AVEN: variants seen among roughly 807,000 people sequenced by gnomAD.
The protein encoded by AVEN is cell death regulator Aven.
Under a neutral mutation model 38.1 loss-of-function variants are expected in AVEN, and 41 were observed. That is an observed-to-expected ratio of 1.08 (90% CI 0.84 to 1.40). The LOEUF is 1.40. AVEN is among the 40% of genes most tolerant of loss of function. The pLI, the probability that AVEN is intolerant of heterozygous loss-of-function variation, is 0.00. For missense variants in AVEN, 605 were observed against 438.8 expected, an observed-to-expected ratio of 1.38 and a Z score of -3.38; for synonymous variants, 206 against 171.8, an observed-to-expected ratio of 1.20 and a Z score of -1.56.
At chr15:34,041,173 C>T (rs1899461301), upstream of AVEN, among the ~76,000 whole-genome samples, 1 of 152,068 alleles carries the variant, frequency 6.6e-6, no homozygotes. Context: ...CTGGCCTCTA[C>T]CCACTAGATG....
At chr15:33,886,778 G>C (rs372259188) in intron 2 of AVEN, among the ~76,000 whole-genome samples, 1 of 152,206 alleles carries the variant, frequency 6.6e-6, no homozygotes, top group South Asian at 2.1e-4. Flanking sequence ...AGCAGTGTGA[G>C]AATTGACTAA....
the AVEN span, chr15:33,852,068 A>C: frequency 6.7e-5 from 1 of 14,882 alleles, no homozygotes; most frequent in African/African-American, 1.6e-4. Context: ...GCGGCATGAG[A>C]GGTCAGTGAA....
chr15:33,881,035 A>C (rs186445012), intron 2 of AVEN, among the ~76,000 whole-genome samples: 8 of 151,772 alleles, frequency 5.3e-5, no homozygotes, highest in Admixed American at 5.2e-4. Context: ...ACACAATTTA[A>C]AGAAGGCTTT....
At chr15:33,860,494 C>A (rs1024823168) in intron 11 of AVEN, 2 of 646,716 alleles carry the variant, frequency 3.1e-6, no homozygotes, top group African/African-American at 1.9e-5. Flanking sequence ...TTTGATAATT[C>A]ACTTTTTTTT....
At chr15:33,927,715 A>G (rs1204950355) in intron 2 of AVEN, among the ~76,000 whole-genome samples, 3 of 152,226 alleles carry the variant, frequency 2.0e-5, no homozygotes, top group African/African-American at 7.2e-5. Context: ...TTTTTGTAGA[A>G]TGTGCAAAAG....
chr15:34,057,303 A>ATT (rs59628367), intron 5 of AVEN, among the ~76,000 whole-genome samples: 30,911 of 147,130 alleles, frequency 0.21, 3,468 homozygotes, highest in Middle Eastern at 0.28. Context: ...CGCCCAGCTA[A>ATT]TTTTTTTTTT....
chr15:34,037,083 T>G (rs1396997010), intron 1 of AVEN, among the ~76,000 whole-genome samples: 1 of 150,030 alleles, frequency 6.7e-6, no homozygotes, highest in African/African-American at 2.5e-5. Context: ...CACTCCAGCC[T>G]GGGCAACAAG....
intron 2 of AVEN, among the ~76,000 whole-genome samples, chr15:33,906,557 C>T (rs180965458): frequency 7.2e-5 from 11 of 152,252 alleles, no homozygotes; most frequent in Admixed American, 1.3e-4. Flanking sequence ...GTGGAATTCT[C>T]GAAATACATA....
intron 4 of AVEN, chr15:34,064,895 C>T (rs1900470535): frequency 6.0e-6 from 1 of 167,890 alleles, no homozygotes; most frequent in South Asian, 2.1e-4. Context: ...GTTTTCCTGT[C>T]CCCACATCTG....
intron 1 of AVEN, 43 bp downstream of exon 1, chr15:34,038,737 C>G: frequency 8.8e-7 from 1 of 1,140,028 alleles, no homozygotes; most frequent in Non-Finnish European, 1.1e-6. Flanking sequence ...CCCACTTGCC[C>G]CAGTTACACG....
downstream of AVEN, among the ~76,000 whole-genome samples, chr15:33,862,125 G>GTTCAT (rs1888472503): frequency 6.6e-6 from 1 of 152,016 alleles, no homozygotes; most frequent in South Asian, 2.1e-4. Context: ...CCCTGTAACT[G>GTTCAT]TTCATTTACA....
At position 33,973,242 on chromosome 15, in the gene AVEN, T is replaced by C. The variant is rs533417278; in HGVS notation, c.445+29790A>G. ...ATGTAGCACTGAATAATGTGTTCTT[T>C]AAGAAGCAAAAGCCAGAGATGATTT... is the stretch of plus-strand genomic sequence containing the variant. On this transcript the variant is annotated intron_variant, in intron 2 of 5. Coordinates refer to ENST00000306730, the MANE Select transcript of AVEN (RefSeq NM_020371.3). Among the ~76,000 whole-genome samples, 6 of 152,348 alleles carry C rather than the reference T, an allele frequency of 3.9e-5. No individual in the cohort carries two copies. The East Asian group carries it at 1.2e-3, about 29-fold the overall frequency.
At chr15:33,857,765 T>C (rs1222474593), downstream of AVEN, 6 of 1,613,948 alleles carry the variant, frequency 3.7e-6, no homozygotes, top group Non-Finnish European at 5.1e-6. Flanking sequence ...CCTTTCTCTG[T>C]CCTCTCATTC....
At chr15:34,005,436 T>C (rs1897302074) in intron 1 of AVEN, among the ~76,000 whole-genome samples, 1 of 152,206 alleles carries the variant, frequency 6.6e-6, no homozygotes, top group East Asian at 1.9e-4. Flanking sequence ...TTACAGATTT[T>C]TTTTATCTCC....
rs1404691582 is a variant in AVEN, at chr15:34,039,024, C to G, written c.23G>C (p.Arg8Pro). Reference protein sequence around the residue: MQAERGARGGRGRRPGRG... With the variant: MQAERGAPGGRGRRPGRG... ...GCCTGGCCGCCGCCCACGGCCTCCC[C>G]GAGCTCCTCGCTCCGCCTGCATCTG... Residue 8 changes from arginine (R) to proline (P), a missense_variant, in exon 1 of 6, where the codon CGG becomes CCG. Arg to Pro is a moderately radical substitution (Grantham distance 103). Coordinates refer to ENST00000306730, the MANE Select transcript of AVEN (RefSeq NM_020371.3). The G allele has an allele frequency of 8.0e-6, 9 of 1,122,738 alleles. No homozygotes were observed. Among genetic ancestry groups the G allele is most frequent in the Non-Finnish European group, 9.8e-6 (9 of 919,950 alleles). 69.5% of individuals were successfully genotyped at this position (1,122,738 alleles called of 1,614,324 possible). A position where few individuals can be genotyped will look rare whatever the true frequency, so the allele number is the denominator to read the frequency against.
At chr15:34,073,709 T>TG (rs1376138140) in intron 1 of AVEN, among the ~76,000 whole-genome samples, 3 of 151,012 alleles carry the variant, frequency 2.0e-5, no homozygotes, top group Non-Finnish European at 3.0e-5. Flanking sequence ...TTAGTAGAGA[T>TG]GGGGTCTCGC....
chr15:33,984,303 A>G (rs1399858297), intron 2 of AVEN, among the ~76,000 whole-genome samples: 1 of 152,194 alleles, frequency 6.6e-6, no homozygotes, highest in Non-Finnish European at 1.5e-5. Context: ...AGTTTACAAA[A>G]TAAGTAATTG....
intron 11 of AVEN, chr15:33,861,125 C>G: frequency 6.3e-7 from 1 of 1,597,946 alleles, no homozygotes; most frequent in Non-Finnish European, 8.5e-7. Flanking sequence ...TTGACACAAC[C>G]CCTCATGGTT....
chr15:34,018,438 T>G (rs1850664410), intron 1 of AVEN: 5 of 152,284 alleles, frequency 3.3e-5, no homozygotes, highest in Admixed American at 3.3e-4. Flanking sequence ...TCTCCCTGAC[T>G]TCAGAAGTGA....
Sources: gnomAD v4.1 joint callset for allele counts (sites outside exome capture counted in the v4.1 genomes callset) on GRCh38, gnomAD v4.1.1 for gene constraint, MANE v1.5 for transcripts, NCBI Gene and HGNC (gene_info 2026-07-23, HGNC 2026-07-21) for gene names.